SLC39A11: variants seen among roughly 807,000 people sequenced by gnomAD.
SLC39A11 encodes solute carrier family 39 member 11, also known as zinc transporter ZIP11.
SLC39A11 carries 33 observed loss-of-function variants against 36.1 expected under a neutral mutation model. The ratio of observed to expected loss-of-function variants is 0.91; its 90% CI spans 0.69 to 1.22. SLC39A11 has a LOEUF of 1.22. SLC39A11 is among the 50% of genes most tolerant of loss of function. The pLI is 0.00. For synonymous variants in SLC39A11, 166 were observed against 170.3 expected (o/e 0.97, Z 0.20); for missense variants, 432 against 430.3 (o/e 1.00, Z -0.03).
chr17:72,842,831 T>G (rs1427752499), intron 6 of SLC39A11, among the ~76,000 whole-genome samples: 2 of 152,216 alleles, frequency 1.3e-5, no homozygotes, highest in East Asian at 1.9e-4. Context: ...TGCCTTTTAG[T>G]GCTCTTTTTA....
chr17:73,090,065 A>T (rs2060875215), intron 1 of SLC39A11, among the ~76,000 whole-genome samples: 1 of 152,124 alleles, frequency 6.6e-6, no homozygotes, highest in African/African-American at 2.4e-5. Flanking sequence ...GGCTGGCTGG[A>T]CACAACCACA....
intron 6 of SLC39A11, among the ~76,000 whole-genome samples, chr17:72,789,275 C>T (rs926357113): frequency 4.6e-5 from 7 of 152,120 alleles, no homozygotes; most frequent in Non-Finnish European, 5.9e-5. Flanking sequence ...CCTCGTGATC[C>T]GCCCGCCTAG....
intron 2 of SLC39A11, among the ~76,000 whole-genome samples, chr17:73,086,814 T>C (rs1402027520): frequency 6.6e-6 from 1 of 150,600 alleles, no homozygotes; most frequent in Admixed American, 6.6e-5. Context: ...GGCAAGACTC[T>C]AGCTCAAAAA....
intron 6 of SLC39A11, among the ~76,000 whole-genome samples, chr17:72,793,595 A>AT (rs935190224): frequency 6.6e-5 from 10 of 151,538 alleles, no homozygotes; most frequent in African/African-American, 1.2e-4. Context: ...TCTTTTTTTA[A>AT]TTTTTTTTTA....
At chr17:72,808,545 G>A (rs1395198810) in intron 6 of SLC39A11, among the ~76,000 whole-genome samples, 2 of 152,174 alleles carry the variant, frequency 1.3e-5, no homozygotes, top group Non-Finnish European at 2.9e-5. Flanking sequence ...TAAAATGTAG[G>A]TATAGCTAAA....
At chr17:73,008,653 T>C (rs2090329405) in intron 4 of SLC39A11, among the ~76,000 whole-genome samples, 1 of 152,208 alleles carries the variant, frequency 6.6e-6, no homozygotes, top group African/African-American at 2.4e-5. Context: ...AGCAGCACTA[T>C]TCACAGTAGC....
chr17:73,034,086 C>G (rs998643189), intron 3 of SLC39A11, among the ~76,000 whole-genome samples: 3 of 152,204 alleles, frequency 2.0e-5, no homozygotes, highest in Non-Finnish European at 4.4e-5. Context: ...GGCTCCCCCT[C>G]CCTGCTACAG....
In SLC39A11 at chr17:73,090,471, G is replaced by A. The variant is rs77650410; in HGVS notation, c.-11-1696C>T. Among the ~76,000 whole-genome samples, 1,236 of 152,244 alleles carry A rather than the reference G, an allele frequency of 8.1e-3. 21 individuals carry two copies. Among genetic ancestry groups the A allele is most frequent in the African/African-American group, 0.029 (1,184 of 41,540 alleles). On this transcript the variant is annotated intron_variant, in intron 1 of 9. Coordinates refer to ENST00000255559, the MANE Select transcript of SLC39A11 (RefSeq NM_139177.4). ...TCTTGCTAAGCCACCCTAAAAAGAGGGGTTGGTCTTTGTTTTTAAACCAAG... is the reference window on the plus strand; with the variant it reads ...TCTTGCTAAGCCACCCTAAAAAGAGAGGTTGGTCTTTGTTTTTAAACCAAG...
At chr17:72,765,067 T>C (rs1251825011) in intron 6 of SLC39A11, among the ~76,000 whole-genome samples, 1 of 152,160 alleles carries the variant, frequency 6.6e-6, no homozygotes, top group Non-Finnish European at 1.5e-5. Flanking sequence ...GTAAAGCTAG[T>C]GAAGGATCAT....
intron 4 of SLC39A11, among the ~76,000 whole-genome samples, chr17:72,997,051 C>A (rs1321761952): frequency 6.6e-6 from 1 of 152,170 alleles, no homozygotes; most frequent in Non-Finnish European, 1.5e-5. Context: ...TGACCCCCAG[C>A]TGATCCACAG....
At chr17:73,015,401 T>A (rs764135874) in intron 4 of SLC39A11, among the ~76,000 whole-genome samples, 3 of 152,186 alleles carry the variant, frequency 2.0e-5, no homozygotes, top group African/African-American at 7.2e-5. Flanking sequence ...TCACGACCTA[T>A]GCAAAAATCC....
chr17:72,802,696 C>T (rs974961396), intron 6 of SLC39A11, among the ~76,000 whole-genome samples: 2 of 151,526 alleles, frequency 1.3e-5, no homozygotes, highest in African/African-American at 4.9e-5. Context: ...GTGTATGGGG[C>T]GTGGTGGGGA....
chr17:72,942,282 A>G (rs1326999332), intron 5 of SLC39A11, among the ~76,000 whole-genome samples: 8 of 152,246 alleles, frequency 5.3e-5, no homozygotes, highest in African/African-American at 1.7e-4. Flanking sequence ...ACTCCTCTCA[A>G]TTGGGCCAGG....
At chr17:72,986,059 C>A (rs965937120) in intron 4 of SLC39A11, among the ~76,000 whole-genome samples, 6 of 152,222 alleles carry the variant, frequency 3.9e-5, no homozygotes, top group Non-Finnish European at 8.8e-5. Context: ...TGAGGAGGCA[C>A]ATGGCCCTGC....
chr17:72,660,765 T>C (rs897897471), intron 7 of SLC39A11, among the ~76,000 whole-genome samples: 3 of 152,170 alleles, frequency 2.0e-5, no homozygotes, highest in Non-Finnish European at 2.9e-5. Flanking sequence ...TTTCACACCG[T>C]GAGTTCCTTG....
At chr17:72,767,801 T>C (rs1417492344) in intron 6 of SLC39A11, among the ~76,000 whole-genome samples, 1 of 152,214 alleles carries the variant, frequency 6.6e-6, no homozygotes, top group Non-Finnish European at 1.5e-5. Flanking sequence ...GACCATGCTG[T>C]AACCACCCAG....
rs552345642 is a variant in SLC39A11 at position 72,779,347 on chromosome 17, C to T, written c.602-42628G>A. 3.3e-5 allele frequency among the ~76,000 whole-genome samples: 5 copies of T among 152,198 alleles called. No homozygotes were observed. The East Asian group carries it at 5.8e-4, about 18-fold the overall frequency. ...GGCTGAGGAAGGAGAATCACTTGAA[C>T]CTGGGAGGCGGAGGTTGCAGTGAGC... On this transcript the variant is annotated intron_variant, in intron 6 of 9. Transcript: ENST00000255559.
chr17:72,741,453 TTTACAGTAATCAATG>T (rs1342416563), intron 6 of SLC39A11, among the ~76,000 whole-genome samples: 1 of 152,172 alleles, frequency 6.6e-6, no homozygotes, highest in Non-Finnish European at 1.5e-5. Context: ...TTTGTGTATT[TTTACAGTAATCAATG>T]ATAGACTAGA....
rs7222172 is a variant in SLC39A11, at chr17:72,762,430, G to A, written c.602-25711C>T. On this transcript the variant is annotated intron_variant, in intron 6 of 9. Transcript: ENST00000255559. ...CAACACCAGGAAGTTACCCTATATG[G>A]TCTAAAAAGCAGAGGAACCCTCAGT... is the stretch of plus-strand genomic sequence containing the variant. Among the ~76,000 whole-genome samples the A allele has an allele frequency of 6.4e-3, 978 of 152,238 alleles. 13 individuals carry two copies. The highest frequency in any genetic ancestry group is 0.021 in the African/African-American group (870 of 41,542).
Sources: allele counts gnomAD v4.1 joint callset (sites outside exome capture counted in the v4.1 genomes callset), GRCh38; gene constraint gnomAD v4.1.1; transcripts MANE v1.5; gene names NCBI Gene and HGNC (gene_info 2026-07-23, HGNC 2026-07-21).